PKP2: variants seen among roughly 807,000 people sequenced by gnomAD.
PKP2 encodes the protein plakophilin-2.
Under a neutral mutation model 83.4 loss-of-function variants are expected in PKP2, and 73 were observed. That is an observed-to-expected ratio of 0.88 (90% CI 0.72 to 1.06). PKP2 has a LOEUF of 1.06. Ranked by LOEUF, PKP2 falls within the 50% of genes least tolerant of loss-of-function variation. The pLI is 0.00. For synonymous variants in PKP2, 409 were observed against 430.4 expected, an observed-to-expected ratio of 0.95 and a Z score of 0.62; for missense variants, 966 against 1,065.4, an observed-to-expected ratio of 0.91 and a Z score of 1.30.
chr12:32,812,676 G>C (rs1956287535), intron 9 of PKP2, among the ~76,000 whole-genome samples: 1 of 152,000 alleles, frequency 6.6e-6, no homozygotes, highest in Non-Finnish European at 1.5e-5. Context: ...CTAATTTTTT[G>C]TATTTTTAGT....
chr12:32,885,215 C>T (rs1957020976), intron 1 of PKP2, among the ~76,000 whole-genome samples: 1 of 152,174 alleles, frequency 6.6e-6, no homozygotes, highest in Non-Finnish European at 1.5e-5. Context: ...GAAGCCGTCA[C>T]AGGACAATGT....
intron 7 of PKP2, among the ~76,000 whole-genome samples, chr12:32,823,103 G>C (rs1956398509): frequency 6.6e-6 from 1 of 152,148 alleles, no homozygotes; most frequent in Non-Finnish European, 1.5e-5. Flanking sequence ...TTCTTTTGGT[G>C]GATGGTGATG....
intron 11 of PKP2, among the ~76,000 whole-genome samples, chr12:32,795,827 A>G (rs531768571): frequency 8.5e-5 from 13 of 152,208 alleles, no homozygotes; most frequent in Non-Finnish European, 1.9e-4. Flanking sequence ...AAACTAATTC[A>G]TTAGGCCAAT....
chr12:32,854,727 A>G (rs1357778870), intron 4 of PKP2, among the ~76,000 whole-genome samples: 1 of 152,248 alleles, frequency 6.6e-6, no homozygotes, highest in Non-Finnish European at 1.5e-5. Flanking sequence ...GTTTCTAAAT[A>G]CATGAAAGGG....
At chr12:32,820,461 CT>C (rs1470290158) in intron 9 of PKP2, 1 of 152,158 alleles carries the variant, frequency 6.6e-6, no homozygotes, top group East Asian at 1.9e-4. Context: ...ATTATTTTGA[CT>C]TTGCTGCTAT....
At chr12:32,893,037 A>G (rs1036526896) in intron 1 of PKP2, among the ~76,000 whole-genome samples, 1 of 152,242 alleles carries the variant, frequency 6.6e-6, no homozygotes, top group Non-Finnish European at 1.5e-5. Flanking sequence ...AGCCAACTTT[A>G]AAATGTTCAG....
At position 32,878,075 on chromosome 12, in the gene PKP2, C is replaced by T. The variant is rs757285245; in HGVS notation, c.805G>A (p.Gly269Arg). 2.7e-5 allele frequency: 43 copies of T among 1,614,044 alleles called. No homozygotes were observed. The Admixed American group carries it at 4.3e-4, about 16-fold the overall frequency. The change falls in exon 3 of 13, where the codon GGG (glycine) becomes AGG (arginine). Residue 269 changes from glycine (G) to arginine (R), a missense_variant. Physicochemically the swap from Gly to Arg is moderately radical, Grantham distance 125. Transcript: ENST00000340811. ...AGGGGCACCAGCGGCCTGACCTGCC[C>T]GACAGTGAGCCCTGCCGTCAGGTAG... ...ENYLTAGLTV[G>R]QVRPLVPLQP... is the part of the protein sequence containing the mutation.
intron 9 of PKP2, among the ~76,000 whole-genome samples, chr12:32,805,080 T>C (rs576871383): frequency 1.2e-4 from 18 of 152,352 alleles, no homozygotes; most frequent in African/African-American, 4.3e-4. Flanking sequence ...TTCACGTTTG[T>C]TAACCACATG....
At chr12:32,841,702 C>T (rs1347249476) in intron 5 of PKP2, among the ~76,000 whole-genome samples, 1 of 152,212 alleles carries the variant, frequency 6.6e-6, no homozygotes, top group East Asian at 1.9e-4. Context: ...GACATTGTGC[C>T]TCCCAGTAAG....
chr12:32,792,759 AG>A, intron 11 of PKP2, 28 bp from the exon 12 acceptor site: 1 of 1,574,940 alleles, frequency 6.3e-7, no homozygotes. Context: ...TTCTGAGATC[AG>A]GGAGAATGAG....
At chr12:32,822,047 T>C (rs977887859) in intron 8 of PKP2, among the ~76,000 whole-genome samples, 2 of 152,246 alleles carry the variant, frequency 1.3e-5, no homozygotes, top group Admixed American at 6.5e-5. Flanking sequence ...GGTTTGCTTT[T>C]AGTATGTCCA....
intron 4 of PKP2, among the ~76,000 whole-genome samples, chr12:32,852,159 C>G (rs939219061): frequency 6.6e-6 from 1 of 152,202 alleles, no homozygotes; most frequent in African/African-American, 2.4e-5. Flanking sequence ...TGGTAAAGAT[C>G]TCATTTTCAC....
intron 3 of PKP2, among the ~76,000 whole-genome samples, chr12:32,875,027 A>T (rs1956920987): frequency 6.6e-6 from 1 of 152,076 alleles, no homozygotes; most frequent in African/African-American, 2.4e-5. Context: ...AGGATTACAG[A>T]TGTGAGCCAC....
At chr12:32,837,376 A>G (rs546160459) in intron 6 of PKP2, among the ~76,000 whole-genome samples, 17 of 152,330 alleles carry the variant, frequency 1.1e-4, no homozygotes, top group Admixed American at 2.6e-4. Context: ...TTCCTCATCT[A>G]TAAAATGAGG....
intron 1 of PKP2, among the ~76,000 whole-genome samples, chr12:32,886,372 A>T (rs1957029954): frequency 1.3e-5 from 2 of 152,230 alleles, no homozygotes; most frequent in African/African-American, 4.8e-5. Flanking sequence ...AGGAATTTGT[A>T]TAGCAATTCA....
Position 32,896,721 on chromosome 12 carries a change from G to A in PKP2, c.11C>T (p.Pro4Leu), listed in dbSNP as rs1591836199. 6.8e-7 allele frequency: 1 copy of A among 1,468,002 alleles called. No individual in the cohort carries two copies. The highest frequency in any genetic ancestry group is 9.0e-7 in the Non-Finnish European group (1 of 1,112,224). The allele number at this position is 1,468,002 out of a possible 1,614,324, so 90.9% of individuals were successfully genotyped here. A position where few individuals can be genotyped will look rare whatever the true frequency, so the allele number is the denominator to read the frequency against. Residue 4 changes from proline to leucine, a missense_variant, in exon 1 of 13, where the codon CCC becomes CTC. Coordinates refer to ENST00000340811, the MANE Select transcript of PKP2 (RefSeq NM_001005242.3). MAA[P>L]GAPAEYGYIR... ...GTAGCCGTACTCAGCTGGGGCGCCGGGGGCTGCCATGGGGCCGGTGGGGGC... is the reference window on the plus strand; with the variant it reads ...GTAGCCGTACTCAGCTGGGGCGCCGAGGGCTGCCATGGGGCCGGTGGGGGC...
chr12:32,802,875 G>A (rs1052423724), intron 9 of PKP2, among the ~76,000 whole-genome samples: 3 of 151,782 alleles, frequency 2.0e-5, no homozygotes, highest in Non-Finnish European at 2.9e-5. Context: ...GGCCAGGCTG[G>A]TCTCGAACTC....
chr12:32,809,770 T>C (rs1956260178), intron 9 of PKP2, among the ~76,000 whole-genome samples: 1 of 152,090 alleles, frequency 6.6e-6, no homozygotes, highest in African/African-American at 2.4e-5. Context: ...AGAAGCATGG[T>C]CCTGGGCGGG....
intron 6 of PKP2, among the ~76,000 whole-genome samples, chr12:32,826,167 A>T (rs1308351682): frequency 6.6e-6 from 1 of 151,938 alleles, no homozygotes; most frequent in Non-Finnish European, 1.5e-5. Context: ...TTAGCCAGGC[A>T]TGGTGGTGGG....
Sources: allele counts gnomAD v4.1 joint callset (sites outside exome capture counted in the v4.1 genomes callset), GRCh38; gene constraint gnomAD v4.1.1; transcripts MANE v1.5; gene names NCBI Gene and HGNC (gene_info 2026-07-23, HGNC 2026-07-21).